PAN3: variants seen among roughly 807,000 people sequenced by gnomAD.
PAN3 encodes poly(A) specific ribonuclease subunit PAN3, also known as PAN2-PAN3 deadenylation complex subunit PAN3.
PAN3 carries 19 observed loss-of-function variants against 96.2 expected under a neutral mutation model. The ratio of observed to expected loss-of-function variants is 0.20; its 90% CI spans 0.14 to 0.29. PAN3 has a LOEUF of 0.29. Among genes scored for constraint, PAN3 ranks in the 10% least tolerant of loss-of-function variants. PAN3 has a pLI of 1.00. For missense variants in PAN3, 882 were observed against 1,108.1 expected (o/e 0.80, Z 2.90); for synonymous variants, 433 against 406.6 (o/e 1.06, Z -0.78).
In PAN3 at chr13:28,272,063, C is replaced by A; in HGVS notation, c.2041C>A (p.Gln681Lys). 1 of 1,555,168 alleles carries A rather than the reference C, an allele frequency of 6.4e-7. No homozygotes were observed. The highest frequency in any genetic ancestry group is 1.2e-5 in the South Asian group (1 of 85,926). ...QNNNPLALMA[Q>K]YQQADLISLG... is the part of the protein sequence containing the mutation. ...TAATAATCCATTGGCATTAATGGCCCAGTACCAGGTGAGTAAGAATTAACA... is the reference window on the plus strand; with the variant it reads ...TAATAATCCATTGGCATTAATGGCCAAGTACCAGGTGAGTAAGAATTAACA... The change falls in exon 14 of 19, where the codon CAG becomes AAG. Residue 681 changes from glutamine (Q) to lysine (K), a missense_variant. Gln to Lys is a moderately conservative substitution (Grantham distance 53). This residue lies in a region of PAN3 where 364 missense variants were observed against 513.6 expected (regional missense o/e 0.71). Coordinates refer to ENST00000380958, the MANE Select transcript of PAN3 (RefSeq NM_175854.8).
intron 1 of PAN3, among the ~76,000 whole-genome samples, chr13:28,151,053 A>T (rs1566137924): frequency 6.6e-6 from 1 of 152,194 alleles, no homozygotes; most frequent in Non-Finnish European, 1.5e-5. Flanking sequence ...CTGGGGTTGA[A>T]ATTTGAGTGT....
At chr13:28,260,696 A>ATT in intron 8 of PAN3, 145 bp downstream of exon 8, 2 of 644,214 alleles carry the variant, frequency 3.1e-6, no homozygotes, top group Non-Finnish European at 5.0e-6. Context: ...TTTAATTGGT[A>ATT]TTTTTTTTAA....
At chr13:28,272,864 C>T (rs547672346) in intron 14 of PAN3, among the ~76,000 whole-genome samples, 6 of 152,158 alleles carry the variant, frequency 3.9e-5, no homozygotes, top group East Asian at 1.9e-4. Flanking sequence ...CCACTGTGCC[C>T]GGCCTCCTGA....
rs1022249703 is a variant in PAN3 at position 28,261,559 on chromosome 13, C to CT, written c.1411+102dup. On this transcript the variant is annotated intron_variant, in intron 9 of 18. Coordinates refer to ENST00000380958, the MANE Select transcript of PAN3 (RefSeq NM_175854.8). ...TATTAAGAAGAGTTCCAGGCTGGGC[C>CT]TGGTGGCTCATACCTGTAATCCCAG... 91 of 1,037,028 alleles carry CT rather than the reference C, an allele frequency of 8.8e-5. No individual in the cohort carries two copies. In the African/African-American group the frequency reaches 1.3e-3, roughly 15 times the overall value. The allele number at this position is 1,037,028 out of a possible 1,614,324, so 64.2% of individuals were successfully genotyped here.
chr13:28,147,149 C>T (rs183426225), intron 1 of PAN3, among the ~76,000 whole-genome samples: 109 of 152,202 alleles, frequency 7.2e-4, no homozygotes, highest in African/African-American at 2.3e-3. Context: ...AGTACTGGAC[C>T]GAAATTTTAA....
chr13:28,141,616 C>T (rs1306559391), intron 1 of PAN3, among the ~76,000 whole-genome samples: 4 of 151,770 alleles, frequency 2.6e-5, no homozygotes, highest in African/African-American at 9.7e-5. Context: ...TACAGGCAGG[C>T]ACCACCACGC....
At chr13:28,205,305 C>T (rs1436989820) in intron 5 of PAN3, among the ~76,000 whole-genome samples, 1 of 152,108 alleles carries the variant, frequency 6.6e-6, no homozygotes, top group Non-Finnish European at 1.5e-5. Flanking sequence ...AGTTATAGAA[C>T]TATGATGCAG....
chr13:28,139,343 A>AG (rs1163796874), intron 1 of PAN3, among the ~76,000 whole-genome samples: 12 of 6,488 alleles, frequency 1.8e-3, no homozygotes, highest in Non-Finnish European at 2.3e-3. Flanking sequence ...GGTGATGTGA[A>AG]GGGGGGGCGG....
intron 18 of PAN3, among the ~76,000 whole-genome samples, chr13:28,288,514 ACTC>A (rs1366432965): frequency 3.3e-5 from 5 of 151,922 alleles, no homozygotes; most frequent in Admixed American, 1.3e-4. Context: ...CTGGTCTCGA[ACTC>A]CTCACTTCAA....
intron 6 of PAN3, among the ~76,000 whole-genome samples, chr13:28,240,450 A>G (rs539160016): frequency 1.3e-5 from 2 of 152,246 alleles, no homozygotes; most frequent in East Asian, 3.9e-4. Flanking sequence ...TAAGAATTAA[A>G]AGATTATAAA....
In PAN3 at chr13:28,197,173, T is replaced by C. The variant is rs745480151; in HGVS notation, c.691-12T>C. 14 of 1,609,994 alleles carry C rather than the reference T, an allele frequency of 8.7e-6. No homozygotes were observed. Among genetic ancestry groups the C allele is most frequent in the Non-Finnish European group, 1.0e-5 (12 of 1,178,278 alleles). ...TTAGGAGTGGCCTGGTTTCTTTCCTTCTTTTTCCTAGCCAAGGAAGTATCG... is the reference window on the plus strand; with the variant it reads ...TTAGGAGTGGCCTGGTTTCTTTCCTCCTTTTTCCTAGCCAAGGAAGTATCG... On this transcript the variant is annotated splice_polypyrimidine_tract_variant and intron_variant, in intron 4 of 18. Coordinates refer to ENST00000380958, the MANE Select transcript of PAN3 (RefSeq NM_175854.8).
intron 4 of PAN3, among the ~76,000 whole-genome samples, chr13:28,192,090 G>A (rs1877351180): frequency 7.0e-6 from 1 of 142,390 alleles, no homozygotes; most frequent in African/African-American, 2.6e-5. Context: ...CTGTCACCCA[G>A]GCTGGAGTGC....
chr13:28,264,534 G>T (rs972026182), intron 9 of PAN3, among the ~76,000 whole-genome samples: 1 of 151,876 alleles, frequency 6.6e-6, no homozygotes, highest in Non-Finnish European at 1.5e-5. Flanking sequence ...CAAAAAAAAA[G>T]AAAAAAGTAA....
At chr13:28,167,082 A>ATTTTT (rs1158467405) in intron 1 of PAN3, among the ~76,000 whole-genome samples, 1 of 118,356 alleles carries the variant, frequency 8.4e-6, no homozygotes, top group African/African-American at 3.2e-5. Flanking sequence ...TTTTATCTTA[A>ATTTTT]TTTTTTTTTT....
chr13:28,158,715 A>G (rs112688129), intron 1 of PAN3, among the ~76,000 whole-genome samples: 12 of 152,122 alleles, frequency 7.9e-5, no homozygotes, highest in Non-Finnish European at 1.8e-4. Context: ...CGTCTCTACT[A>G]AATATACAAA....
At chr13:28,236,525 A>G (rs1037775404) in intron 6 of PAN3, among the ~76,000 whole-genome samples, 5 of 152,208 alleles carry the variant, frequency 3.3e-5, no homozygotes, top group Non-Finnish European at 7.3e-5. Context: ...AAAGGAAAAA[A>G]CTTTCATGGA....
chr13:28,220,409 C>T (rs760557717), intron 6 of PAN3, 31 bp downstream of exon 6: 11 of 1,605,352 alleles, frequency 6.9e-6, no homozygotes, highest in African/African-American at 1.3e-5. Flanking sequence ...CAGTGAGTTC[C>T]AGATACCATG....
intron 1 of PAN3, among the ~76,000 whole-genome samples, chr13:28,169,686 T>C (rs1388925840): frequency 6.6e-6 from 1 of 152,144 alleles, no homozygotes; most frequent in Non-Finnish European, 1.5e-5. Flanking sequence ...TCTATTCCTC[T>C]TTTCTCCCTT....
chr13:28,266,477 G>T (rs1886188352), intron 9 of PAN3, among the ~76,000 whole-genome samples: 2 of 152,082 alleles, frequency 1.3e-5, no homozygotes, highest in South Asian at 4.1e-4. Flanking sequence ...AAAAGGAAAT[G>T]TTTTTGAATG....
Sources: gnomAD v4.1 joint callset for allele counts (sites outside exome capture counted in the v4.1 genomes callset) on GRCh38, gnomAD v4.1.1 for gene constraint, gnomAD v4.1.1 regional missense constraint, MANE v1.5 for transcripts, NCBI Gene and HGNC (gene_info 2026-07-23, HGNC 2026-07-21) for gene names.